AMPD3: variants seen among roughly 807,000 people sequenced by gnomAD.
The protein encoded by AMPD3 is adenosine monophosphate deaminase 3.
In AMPD3, 57 loss-of-function variants were observed where a neutral mutation model predicts 82.3. The observed-to-expected ratio is 0.69, with a 90% confidence interval of 0.56 to 0.86. The LOEUF is 0.86. Among genes scored for constraint, AMPD3 ranks in the 40% least tolerant of loss-of-function variants. The pLI is 0.00. For missense variants in AMPD3, 870 were observed against 1,003.8 expected (o/e 0.87, Z 1.80); for synonymous variants, 381 against 394.7 (o/e 0.97, Z 0.41).
chr11:10,452,706 C>T (rs921896162), upstream of AMPD3, among the ~76,000 whole-genome samples: 14 of 152,188 alleles, frequency 9.2e-5, no homozygotes, highest in Non-Finnish European at 1.5e-4. Flanking sequence ...TATCTGATAT[C>T]ATAATGATGA....
chr11:10,465,896 A>G (rs1417438728), intron 2 of AMPD3, among the ~76,000 whole-genome samples: 4 of 148,642 alleles, frequency 2.7e-5, no homozygotes, highest in Non-Finnish European at 5.9e-5. Context: ...ACTCCCCTGG[A>G]AAGGGGGCTA....
Position 10,487,111 on chromosome 11 carries a change from C to A in AMPD3, c.810-124C>A. The A allele has an allele frequency of 3.2e-6, 5 of 1,574,218 alleles. No individual in the cohort carries two copies. The South Asian group carries it at 4.5e-5, about 14-fold the overall frequency. ...AGGGTCTGTAGAAAGCCAGAACCTCCTCATTCCGCCCTGCTCCGTCCTGAC... is the reference window on the plus strand; with the variant it reads ...AGGGTCTGTAGAAAGCCAGAACCTCATCATTCCGCCCTGCTCCGTCCTGAC... On this transcript the variant is annotated intron_variant, in intron 5 of 14. Transcript: ENST00000396553.
At chr11:10,466,728 C>T (rs1473217050) in intron 2 of AMPD3, among the ~76,000 whole-genome samples, 1 of 152,214 alleles carries the variant, frequency 6.6e-6, no homozygotes, top group Non-Finnish European at 1.5e-5. Context: ...GGTCCCTAAC[C>T]CCCGTGTATC....
rs372796646 is a variant in AMPD3 at position 10,485,049 on chromosome 11, C to A, written c.809+10C>A. 1.2e-6 allele frequency: 2 copies of A among 1,609,930 alleles called. No individual in the cohort carries two copies. Among genetic ancestry groups the A allele is most frequent in the South Asian group, 2.2e-5 (2 of 90,606 alleles). On this transcript the variant is annotated intron_variant, in intron 5 of 14. Transcript: ENST00000396553. ...TCACCGATGGCCCCACGTAAGCTAG[C>A]TTCTCCGCGGCTGCCTGTCTTTGCA...
At chr11:10,471,628 T>G (rs562734390) in intron 2 of AMPD3, among the ~76,000 whole-genome samples, 1 of 152,252 alleles carries the variant, frequency 6.6e-6, no homozygotes, top group Admixed American at 6.5e-5. Flanking sequence ...CATCAAAAAG[T>G]GGGCAAAGGA....
At chr11:10,464,513 T>C (rs1848362593) in intron 2 of AMPD3, among the ~76,000 whole-genome samples, 1 of 152,166 alleles carries the variant, frequency 6.6e-6, no homozygotes. Context: ...CTGTAGACCC[T>C]GGAATGACAC....
chr11:10,455,943 G>A (rs1261159347), intron 1 of AMPD3: 6 of 985,258 alleles, frequency 6.1e-6, no homozygotes, highest in Non-Finnish European at 7.2e-6. Context: ...GATATCGCTC[G>A]TTGCTACTCA....
At chr11:10,494,331 G>A (rs976786295) in intron 7 of AMPD3, among the ~76,000 whole-genome samples, 1 of 152,210 alleles carries the variant, frequency 6.6e-6, no homozygotes, top group Non-Finnish European at 1.5e-5. Flanking sequence ...CTGGGGAGAG[G>A]AAGGTATGGG....
chr11:10,497,691 T>C (rs1408497327), intron 10 of AMPD3: 1 of 984,722 alleles, frequency 1.0e-6, no homozygotes. Context: ...TTCTGGCTGT[T>C]GTGTGGAGTT....
At chr11:10,478,456 C>A in intron 2 of AMPD3, 70 bp from the exon 3 acceptor site, 2 of 1,596,000 alleles carry the variant, frequency 1.3e-6, no homozygotes, top group Non-Finnish European at 1.7e-6. Context: ...ACGCACACAG[C>A]AAAGAGTCTT....
chr11:10,451,102 C>G, upstream of AMPD3: 1 of 1,545,070 alleles, frequency 6.5e-7, no homozygotes, highest in East Asian at 2.4e-5. Flanking sequence ...CCCTGCGGCC[C>G]AGGCGGGAAT....
chr11:10,452,186 T>TG (rs1473557282), upstream of AMPD3, among the ~76,000 whole-genome samples: 1 of 151,748 alleles, frequency 6.6e-6, no homozygotes, highest in Non-Finnish European at 1.5e-5. Context: ...TTGTAGTTGT[T>TG]TTTTTTTGCC....
chr11:10,491,213 G>A (rs1051454316), intron 6 of AMPD3, among the ~76,000 whole-genome samples: 4 of 152,172 alleles, frequency 2.6e-5, no homozygotes, highest in Admixed American at 6.5e-5. Flanking sequence ...GGCTGCTGTC[G>A]TCCTCCCCCG....
chr11:10,483,952 C>T (rs1000258285), intron 4 of AMPD3, among the ~76,000 whole-genome samples: 9 of 152,352 alleles, frequency 5.9e-5, no homozygotes, highest in African/African-American at 1.7e-4. Context: ...TGATATTTAG[C>T]ATCAATACAC....
intron 3 of AMPD3, among the ~76,000 whole-genome samples, chr11:10,479,375 C>G (rs1281950490): frequency 6.6e-6 from 1 of 152,144 alleles, no homozygotes; most frequent in Non-Finnish European, 1.5e-5. Flanking sequence ...CTCCCTGGCC[C>G]CAACTCACTA....
chr11:10,467,101 C>T (rs1447076628), intron 2 of AMPD3, among the ~76,000 whole-genome samples: 1 of 152,170 alleles, frequency 6.6e-6, no homozygotes, highest in Non-Finnish European at 1.5e-5. Context: ...AACCAGAATG[C>T]CTCTTCTCCT....
chr11:10,471,198 A>C (rs1848579363), intron 2 of AMPD3, among the ~76,000 whole-genome samples: 2 of 152,246 alleles, frequency 1.3e-5, no homozygotes, highest in African/African-American at 4.8e-5. Context: ...ACCTGGCACA[A>C]ACAAGCAATG....
At chr11:10,451,130 C>A, upstream of AMPD3, 2 of 1,521,954 alleles carry the variant, frequency 1.3e-6, no homozygotes, top group South Asian at 2.4e-5. Context: ...GCCCTGGGGT[C>A]TGAACCGCGG....
intron 1 of AMPD3, among the ~76,000 whole-genome samples, chr11:10,458,676 ATTAC>A (rs1848172247): frequency 6.6e-6 from 1 of 152,146 alleles, no homozygotes; most frequent in Non-Finnish European, 1.5e-5. Context: ...CATAATTCTG[ATTAC>A]TTAACATCTT....
Sources: allele counts gnomAD v4.1 joint callset (sites outside exome capture counted in the v4.1 genomes callset), GRCh38; gene constraint gnomAD v4.1.1; transcripts MANE v1.5; gene names NCBI Gene and HGNC (gene_info 2026-07-23, HGNC 2026-07-21).